SPAG17: variants seen among roughly 807,000 people sequenced by gnomAD.
SPAG17 encodes the protein sperm associated antigen 17.
In SPAG17, 169 loss-of-function variants were observed where a neutral mutation model predicts 273.6. The observed-to-expected ratio is 0.62, with a 90% CI of 0.55 to 0.70. SPAG17 has a LOEUF of 0.70. Among genes scored for constraint, SPAG17 ranks in the 30% least tolerant of loss-of-function variants. The pLI is 0.00. For synonymous variants in SPAG17, 825 were observed against 873.2 expected (o/e 0.94, Z 0.97); for missense variants, 2,557 against 2,627.8 (o/e 0.97, Z 0.59).
chr1:117,970,869 ACTGT>A (rs1222702705), intron 45 of SPAG17, among the ~76,000 whole-genome samples: 2 of 152,138 alleles, frequency 1.3e-5, no homozygotes, highest in African/African-American at 2.4e-5. Context: ...TTCGAGGTTG[ACTGT>A]CTATTTCTTC....
At chr1:118,155,443 T>C (rs1467163741) in intron 1 of SPAG17, among the ~76,000 whole-genome samples, 1 of 152,220 alleles carries the variant, frequency 6.6e-6, no homozygotes, top group Non-Finnish European at 1.5e-5. Flanking sequence ...AATCGGATTG[T>C]AATTGCTTCC....
chr1:118,005,565 T>C lies in SPAG17; in HGVS notation c.4625A>G (p.Lys1542Arg). ...ATGGCAGTACACAGCTGAACAATCC[T>C]TGTCAATATAAAGAGAGCCTGTGTT... Reference protein sequence around the residue: ...PPNTGSLYIDKDCSAVYCHES... With the variant: ...PPNTGSLYIDRDCSAVYCHES... Residue 1542 changes from lysine to arginine, a missense_variant, in exon 32 of 49, where the codon AAG becomes AGG. Transcript: ENST00000336338. The C allele has an allele frequency of 6.3e-7, 1 of 1,577,718 alleles. No individual in the cohort carries two copies. Among genetic ancestry groups the C allele is most frequent in the African/African-American group, 1.4e-5 (1 of 73,794 alleles).
rs1356881161 is a variant in SPAG17 at position 118,025,358 on chromosome 1, G to C, written c.3789C>G (p.Pro1263=). 3 of 1,611,128 alleles carry C rather than the reference G, an allele frequency of 1.9e-6. No individual in the cohort carries two copies. The highest frequency in any genetic ancestry group is 2.5e-6 in the Non-Finnish European group (3 of 1,179,012). Residue 1263 remains proline, a synonymous_variant, in exon 27 of 49, where the codon CCC becomes CCG. Coordinates refer to ENST00000336338, the MANE Select transcript of SPAG17 (RefSeq NM_206996.4). ...TWDIMVRQSY[P]QRVKHYEFYK... The stretch of plus-strand genomic sequence containing the variant: ...AGAACTCATAGTGCTTCACCCTCTG[G>C]GGGTAGCTCTGACGGACCATGATGT...
chr1:117,970,134 A>T lies in SPAG17; in HGVS notation c.6327-18T>A. ...CTTTAAACCTACAAGGCAGAAAGAT[A>T]AAAATAAATTTATGACATAATGAAA... On this transcript the variant is annotated intron_variant, in intron 45 of 48. Transcript: ENST00000336338. 6.2e-7 allele frequency: 1 copy of T among 1,606,454 alleles called. No individual in the cohort carries two copies.
intron 36 of SPAG17, among the ~76,000 whole-genome samples, chr1:117,991,786 A>G (rs1657113231): frequency 6.6e-6 from 1 of 152,174 alleles, no homozygotes; most frequent in Non-Finnish European, 1.5e-5. Context: ...CCCTGTTTCT[A>G]ACTGTGCACT....
chr1:117,985,389 T>A (rs1431173015), intron 40 of SPAG17, among the ~76,000 whole-genome samples: 1 of 152,172 alleles, frequency 6.6e-6, no homozygotes, highest in Non-Finnish European at 1.5e-5. Context: ...CTGACTCAAC[T>A]GGGAAACTTT....
At chr1:118,104,901 G>T (rs72631726) in intron 4 of SPAG17, among the ~76,000 whole-genome samples, 9,348 of 152,172 alleles carry the variant, frequency 0.061, 449 homozygotes, top group East Asian at 0.26. Context: ...ATGCAAGGGG[G>T]TATGAGGTCA....
At chr1:118,047,550 C>G (rs947865946) in intron 20 of SPAG17, among the ~76,000 whole-genome samples, 1 of 152,116 alleles carries the variant, frequency 6.6e-6, no homozygotes, top group Non-Finnish European at 1.5e-5. Flanking sequence ...CCTGCCCCAG[C>G]AGACTCAACC....
At chr1:118,087,183 G>GT (rs1450173650) in intron 10 of SPAG17, 175 bp from the exon 11 acceptor site, 33 of 514,226 alleles carry the variant, frequency 6.4e-5, no homozygotes, top group Admixed American at 1.5e-4. Context: ...AAAAGGAAAA[G>GT]TGTTCGCAAT....
chr1:118,004,444 C>T (rs1319666446), intron 32 of SPAG17, among the ~76,000 whole-genome samples: 3 of 152,214 alleles, frequency 2.0e-5, no homozygotes, highest in African/African-American at 7.2e-5. Context: ...AGGCAGTAGG[C>T]CTTGCTGAGC....
At chr1:118,051,777 A>G (rs1447438773) in intron 20 of SPAG17, among the ~76,000 whole-genome samples, 3 of 144,194 alleles carry the variant, frequency 2.1e-5, no homozygotes, top group African/African-American at 7.6e-5. Flanking sequence ...ATAACATAAT[A>G]CTATTATAAT....
chr1:117,968,724 C>T (rs975527225), intron 46 of SPAG17, among the ~76,000 whole-genome samples: 20 of 152,162 alleles, frequency 1.3e-4, no homozygotes, highest in African/African-American at 4.8e-4. Flanking sequence ...CTGTGTGAGC[C>T]TATAACTGGG....
intron 1 of SPAG17, among the ~76,000 whole-genome samples, chr1:118,169,314 AGTT>A: frequency 6.6e-6 from 1 of 152,316 alleles, no homozygotes; most frequent in African/African-American, 2.4e-5. Context: ...CTAGCAACTC[AGTT>A]GTTTTCATTG....
chr1:118,097,654 T>C lies in SPAG17; in HGVS notation c.1011+16A>G. 1 of 1,552,262 alleles carries C rather than the reference T, an allele frequency of 6.4e-7. No individual in the cohort carries two copies. The highest frequency in any genetic ancestry group is 8.7e-7 in the Non-Finnish European group (1 of 1,154,328). ...ACATGTTAAAACCATGCACTCTCAGTAATGTGTGTACTAACCATCATCTCA... is the reference window on the plus strand; with the variant it reads ...ACATGTTAAAACCATGCACTCTCAGCAATGTGTGTACTAACCATCATCTCA... On this transcript the variant is annotated intron_variant, in intron 7 of 48. Coordinates refer to ENST00000336338, the MANE Select transcript of SPAG17 (RefSeq NM_206996.4).
chr1:118,037,551 G>A (rs1378902490), intron 23 of SPAG17, among the ~76,000 whole-genome samples: 2 of 152,032 alleles, frequency 1.3e-5, no homozygotes, highest in Non-Finnish European at 2.9e-5. Context: ...CCATCTTTAT[G>A]CCCATGTTTA....
intron 18 of SPAG17, among the ~76,000 whole-genome samples, chr1:118,062,606 C>A (rs1481265353): frequency 3.3e-5 from 5 of 151,838 alleles, no homozygotes; most frequent in Non-Finnish European, 5.9e-5. Context: ...AATAATATAA[C>A]CTCCATATGC....
At chr1:118,006,942 T>A (rs1160050197) in intron 31 of SPAG17, among the ~76,000 whole-genome samples, 1 of 152,216 alleles carries the variant, frequency 6.6e-6, no homozygotes, top group Non-Finnish European at 1.5e-5. Flanking sequence ...CATTTTAAAG[T>A]GGGTTATTAG....
chr1:118,131,411 A>T (rs761492883), intron 3 of SPAG17, among the ~76,000 whole-genome samples: 2 of 152,134 alleles, frequency 1.3e-5, no homozygotes, highest in African/African-American at 2.4e-5. Flanking sequence ...GGCTACTCAG[A>T]TTAGTAACTC....
At chr1:118,026,043 T>C (rs1647709053) in intron 26 of SPAG17, among the ~76,000 whole-genome samples, 1 of 152,186 alleles carries the variant, frequency 6.6e-6, no homozygotes, top group African/African-American at 2.4e-5. Context: ...TGCCCACTGG[T>C]GCCTATCTCT....
Sources: gnomAD v4.1 joint callset for allele counts (sites outside exome capture counted in the v4.1 genomes callset) on GRCh38, gnomAD v4.1.1 for gene constraint, MANE v1.5 for transcripts, NCBI Gene and HGNC (gene_info 2026-07-23, HGNC 2026-07-21) for gene names.